Variants in KLHL14 observed in about 807,000 individuals in gnomAD.
KLHL14 encodes the protein kelch like family member 14.
In KLHL14, 22 loss-of-function variants were observed where a neutral mutation model predicts 64.3. The ratio of observed to expected loss-of-function variants is 0.34; its 90% CI spans 0.24 to 0.49. KLHL14 has a LOEUF of 0.49. KLHL14 is among the 20% of genes least tolerant of loss of function. The pLI is 0.99. For synonymous variants in KLHL14, 322 were observed against 333.4 expected (o/e 0.97, Z 0.37); for missense variants, 661 against 789.0 (o/e 0.84, Z 1.94).
chr18:32,712,894 G>A (rs534918820), intron 3 of KLHL14, among the ~76,000 whole-genome samples: 1 of 152,202 alleles, frequency 6.6e-6, no homozygotes, highest in South Asian at 2.1e-4. Context: ...GCCTTCAAAT[G>A]TGTCCTTCCA....
Position 32,770,131 on chromosome 18 carries a change from A to G in KLHL14, c.461T>C (p.Val154Ala). The change falls in exon 2 of 9, where the codon GTG (valine) becomes GCG (alanine). Residue 154 changes from valine to alanine, a missense_variant. Transcript: ENST00000359358. This position sits in a 1 kb window ranked among gnomAD's most constrained non-coding sequence, Gnocchi z 6.7. ...CTTGCTGACCGACAGCACCTCCTCC[A>G]CCGTGTCCAGGGACAGGGTCACGTT... is the stretch of plus-strand genomic sequence containing the variant. ...TANVTLSLDT[V>A]EEVLSVSKIL... 1 of 1,614,092 alleles carries G rather than the reference A, an allele frequency of 6.2e-7. No homozygotes were observed. The highest frequency in any genetic ancestry group is 1.3e-5 in the African/African-American group (1 of 75,018).
At chr18:32,765,003 T>C (rs559939361) in intron 2 of KLHL14, among the ~76,000 whole-genome samples, 222 of 152,220 alleles carry the variant, frequency 1.5e-3, no homozygotes, top group Middle Eastern at 6.8e-3. Flanking sequence ...TGGCTAGCAT[T>C]TGGGGAGTGA....
intron 3 of KLHL14, among the ~76,000 whole-genome samples, chr18:32,714,828 G>A (rs1437348523): frequency 6.6e-6 from 1 of 151,356 alleles, no homozygotes; most frequent in East Asian, 1.9e-4. Flanking sequence ...AAAACAAAGA[G>A]GAAAACTTAC....
intron 2 of KLHL14, among the ~76,000 whole-genome samples, chr18:32,748,479 C>T (rs1416538577): frequency 1.3e-5 from 2 of 152,126 alleles, no homozygotes; most frequent in Admixed American, 6.5e-5. Flanking sequence ...ACGCCATTCT[C>T]CTGCCTCAGC....
chr18:32,712,807 C>T (rs1436311038), intron 3 of KLHL14, among the ~76,000 whole-genome samples: 1 of 152,104 alleles, frequency 6.6e-6, no homozygotes. Flanking sequence ...AATTAACCTT[C>T]ATGTTGCTAA....
chr18:32,772,145 GCCGCCC>G, intron 1 of KLHL14: 1 of 269,394 alleles, frequency 3.7e-6, no homozygotes, highest in South Asian at 3.8e-5. Context: ...AGCCGCCGCC[GCCGCCC>G]GGCTCGGAGG....
intron 2 of KLHL14, among the ~76,000 whole-genome samples, chr18:32,748,010 T>C (rs770271035): frequency 6.6e-6 from 1 of 152,212 alleles, no homozygotes; most frequent in Non-Finnish European, 1.5e-5. Context: ...GGATTGGAGA[T>C]AATAATGGGA....
intron 2 of KLHL14, among the ~76,000 whole-genome samples, chr18:32,748,308 G>A (rs1013762966): frequency 6.6e-6 from 1 of 152,006 alleles, no homozygotes; most frequent in East Asian, 1.9e-4. Context: ...TCTGCCTCCC[G>A]GGTTCAAGCA....
chr18:32,746,141 C>T (rs1188367990), intron 2 of KLHL14, among the ~76,000 whole-genome samples: 1 of 152,168 alleles, frequency 6.6e-6, no homozygotes, highest in Admixed American at 6.5e-5. Flanking sequence ...TCCTTTCACT[C>T]TTCATTTTAC....
Position 32,680,647 on chromosome 18 carries a change from G to A in KLHL14, c.1239-48C>T. ...TAAATCACAAGAGGAGCTGTGAAAT[G>A]TTACCTTTCGAAATAAGATAAGCAC... On this transcript the variant is annotated intron_variant, in intron 5 of 8. Transcript: ENST00000359358. This position sits in a 1 kb window ranked among gnomAD's most constrained non-coding sequence, Gnocchi z 4.8. 7 of 1,524,302 alleles carry A rather than the reference G, an allele frequency of 4.6e-6. No homozygotes were observed. The highest frequency in any genetic ancestry group is 6.2e-6 in the Non-Finnish European group (7 of 1,128,742). 94.4% of individuals were successfully genotyped at this position (1,524,302 alleles called of 1,614,324 possible).
At chr18:32,675,962 A>T (rs1254024741) in intron 8 of KLHL14, among the ~76,000 whole-genome samples, 3 of 152,162 alleles carry the variant, frequency 2.0e-5, no homozygotes, top group Admixed American at 2.0e-4. Context: ...TATTATTAAA[A>T]CCACCAAATT....
At chr18:32,714,269 G>A (rs772566808) in intron 3 of KLHL14, among the ~76,000 whole-genome samples, 2 of 152,152 alleles carry the variant, frequency 1.3e-5, no homozygotes, top group African/African-American at 4.8e-5. Flanking sequence ...CTCCTTGTGT[G>A]TTAGCTCCAT....
At chr18:32,710,370 T>G (rs1257494734) in intron 3 of KLHL14, among the ~76,000 whole-genome samples, 1 of 152,212 alleles carries the variant, frequency 6.6e-6, no homozygotes, top group Non-Finnish European at 1.5e-5. Flanking sequence ...AATGTGTGGT[T>G]TCCAGAAGAT....
In KLHL14 at chr18:32,770,168, G is replaced by A. The variant is rs768698485; in HGVS notation, c.424C>T (p.Leu142Phe). The change falls in exon 2 of 9, where the codon CTC becomes TTC. Residue 142 changes from leucine (L) to phenylalanine (F), a missense_variant. By Grantham distance (22) the Leu-to-Phe change is conservative. Coordinates refer to ENST00000359358, the MANE Select transcript of KLHL14 (RefSeq NM_020805.3). The surrounding 1 kb of genome is among the most constrained non-coding windows in gnomAD (Gnocchi z 6.7). ...SIGLRLVLEY[L>F]YTANVTLSLD... ...GACAGGGTCACGTTGGCCGTGTAGAGGTACTCGAGCACCAGGCGCAGCCCG... is the reference window on the plus strand; with the variant it reads ...GACAGGGTCACGTTGGCCGTGTAGAAGTACTCGAGCACCAGGCGCAGCCCG... The A allele has an allele frequency of 6.2e-7, 1 of 1,613,984 alleles. No individual in the cohort carries two copies. Among genetic ancestry groups the A allele is most frequent in the East Asian group, 2.2e-5 (1 of 44,856 alleles).
intron 3 of KLHL14, among the ~76,000 whole-genome samples, chr18:32,706,848 A>G (rs1225322207): frequency 6.6e-6 from 1 of 152,154 alleles, no homozygotes; most frequent in East Asian, 1.9e-4. Context: ...AGATGTGTGC[A>G]TGTCTCCTGG....
intron 3 of KLHL14, among the ~76,000 whole-genome samples, chr18:32,741,364 T>G (rs574571406): frequency 6.6e-6 from 1 of 152,276 alleles, no homozygotes; most frequent in Non-Finnish European, 1.5e-5. Flanking sequence ...AGAAGAATCC[T>G]GGGTAGAAGT....
At chr18:32,717,856 A>C (rs1020740238) in intron 3 of KLHL14, among the ~76,000 whole-genome samples, 1 of 152,212 alleles carries the variant, frequency 6.6e-6, no homozygotes, top group Non-Finnish European at 1.5e-5. Flanking sequence ...TTGACTTGAC[A>C]TACTGAAGAC....
intron 2 of KLHL14, among the ~76,000 whole-genome samples, chr18:32,765,716 A>G (rs2050339176): frequency 6.6e-6 from 1 of 152,164 alleles, no homozygotes; most frequent in African/African-American, 2.4e-5. Flanking sequence ...AACACTTTCT[A>G]AGCACCAAAA....
At chr18:32,750,365 G>A (rs1370419051) in intron 2 of KLHL14, among the ~76,000 whole-genome samples, 2 of 152,086 alleles carry the variant, frequency 1.3e-5, no homozygotes, top group African/African-American at 4.8e-5. Context: ...AAATTGATAA[G>A]TGATAGCGAT....
Sources: allele counts gnomAD v4.1 joint callset (sites outside exome capture counted in the v4.1 genomes callset), GRCh38; gene constraint gnomAD v4.1.1; non-coding constraint Gnocchi (gnomAD v3.1); transcripts MANE v1.5; gene names NCBI Gene and HGNC (gene_info 2026-07-23, HGNC 2026-07-21).